The following PLEKHG4B variants were observed in gnomAD, a reference collection of about 807,000 sequenced individuals.
PLEKHG4B encodes pleckstrin homology and RhoGEF domain containing G4B.
In PLEKHG4B, 111 loss-of-function variants were observed where a neutral mutation model predicts 121.3. The ratio of observed to expected loss-of-function variants is 0.92; its 90% CI spans 0.78 to 1.07. PLEKHG4B has a LOEUF of 1.07. Ranked by LOEUF, PLEKHG4B falls within the 50% of genes least tolerant of loss-of-function variation. The pLI, the probability that PLEKHG4B is intolerant of heterozygous loss-of-function variation, is 0.00. For missense variants in PLEKHG4B, 1,831 were observed against 1,757.8 expected (o/e 1.04, Z -0.74); for synonymous variants, 738 against 725.0 (o/e 1.02, Z -0.29).
intron 1 of PLEKHG4B, among the ~76,000 whole-genome samples, chr5:99,665 A>G (rs780288005): frequency 1.3e-5 from 2 of 152,130 alleles, no homozygotes; most frequent in Non-Finnish European, 2.9e-5. Flanking sequence ...GGATTGTGTC[A>G]TCTGAACACA....
intron 2 of PLEKHG4B, among the ~76,000 whole-genome samples, chr5:138,136 C>T (rs1361869661): frequency 6.6e-6 from 1 of 152,188 alleles, no homozygotes; most frequent in Non-Finnish European, 1.5e-5. Flanking sequence ...CCACAGAAGA[C>T]CCTGGGACCC....
intron 1 of PLEKHG4B, among the ~76,000 whole-genome samples, chr5:100,793 G>C (rs1579231840): frequency 8.6e-6 from 1 of 116,358 alleles, no homozygotes; most frequent in Non-Finnish European, 1.7e-5. Flanking sequence ...ACTGTTGTGA[G>C]GTTAATCCAT....
intron 18 of PLEKHG4B, among the ~76,000 whole-genome samples, chr5:178,537 A>AT (rs1420329856): frequency 1.3e-5 from 2 of 152,106 alleles, no homozygotes; most frequent in Non-Finnish European, 2.9e-5. Context: ...GCTGCTTATC[A>AT]CTTACTAGGA....
At chr5:168,581 G>A (rs1053141302) in intron 13 of PLEKHG4B, among the ~76,000 whole-genome samples, 5 of 152,274 alleles carry the variant, frequency 3.3e-5, no homozygotes, top group South Asian at 2.1e-4. Flanking sequence ...TCATCTCACC[G>A]CTAGAATGAA....
At chr5:135,673 AAAAAAAAAAATAT>A (rs1734940948) in intron 2 of PLEKHG4B, among the ~76,000 whole-genome samples, 2 of 64,208 alleles carry the variant, frequency 3.1e-5, no homozygotes, top group African/African-American at 7.1e-5. Flanking sequence ...CTCAAAAAAA[AAAAAAAAAAATAT>A]ATATATATAT....
At position 174,063 on chromosome 5, in the gene PLEKHG4B, G is replaced by A. The variant is rs1375368278; in HGVS notation, c.4367G>A (p.Gly1456Glu). 26 of 1,595,230 alleles carry A rather than the reference G, an allele frequency of 1.6e-5. No homozygotes were observed. Among genetic ancestry groups the A allele is most frequent in the Non-Finnish European group, 2.2e-5 (26 of 1,171,828 alleles). Residue 1456 changes from glycine to glutamate, a missense_variant, in exon 18 of 20, where the codon GGG (glycine) becomes GAG (glutamate). By Grantham distance (98) the Gly-to-Glu change is moderately conservative. Transcript: ENST00000637938. Reference sequence around the variant, plus strand: ...AAGAGTGCATGGACCGATGTCATAGGGAGGATCCTGTGGCGGCAGGCACTA... The same window carrying A: ...AAGAGTGCATGGACCGATGTCATAGAGAGGATCCTGTGGCGGCAGGCACTA... ...EVKSAWTDVI[G>E]RILWRQALKS...
At chr5:120,968 C>T (rs1427998826) in intron 2 of PLEKHG4B, among the ~76,000 whole-genome samples, 1 of 152,046 alleles carries the variant, frequency 6.6e-6, no homozygotes, top group Non-Finnish European at 1.5e-5. Flanking sequence ...GAAAATGGGC[C>T]AGGTGTGGTG....
intron 2 of PLEKHG4B, among the ~76,000 whole-genome samples, chr5:132,198 A>C (rs1440374745): frequency 6.6e-6 from 1 of 152,180 alleles, no homozygotes; most frequent in Non-Finnish European, 1.5e-5. Flanking sequence ...AGTGAAAGGC[A>C]TCCAAACTGG....
intron 2 of PLEKHG4B, among the ~76,000 whole-genome samples, chr5:120,377 G>C (rs942293077): frequency 6.6e-6 from 1 of 152,168 alleles, no homozygotes; most frequent in Non-Finnish European, 1.5e-5. Context: ...ACATCTCTCA[G>C]TTCTTATTCC....
At chr5:168,865 CTTTTT>C (rs140551039) in intron 13 of PLEKHG4B, among the ~76,000 whole-genome samples, 3 of 100,454 alleles carry the variant, frequency 3.0e-5, no homozygotes. Flanking sequence ...GAAGATTATT[CTTTTT>C]TTTTTTTTTT....
chr5:113,537 G>A lies in PLEKHG4B; in HGVS notation c.243+89G>A, dbSNP rs1237160704. The A allele has an allele frequency of 1.3e-5, 5 of 398,422 alleles. No homozygotes were observed. The highest frequency in any genetic ancestry group is 1.2e-3 in the Middle Eastern group (2 of 1,610). The allele number at this position is 398,422 out of a possible 1,614,324, so 24.7% of individuals were successfully genotyped here. A position where few individuals can be genotyped will look rare whatever the true frequency, so the allele number is the denominator to read the frequency against. ...GCAGGGCAGGAATTGGGCCCATCAG[G>A]GCACTGGCTCAGTTCTTTCCTCTGG... On this transcript the variant is annotated intron_variant, in intron 2 of 19. Coordinates refer to ENST00000637938, the MANE Select transcript of PLEKHG4B (RefSeq NM_052909.5). This position sits in a 1 kb window ranked among gnomAD's most constrained non-coding sequence, Gnocchi z 5.2.
chr5:143,267 A>G lies in PLEKHG4B; in HGVS notation c.1687+11A>G, dbSNP rs772578022. ...TCGTCACCCTCCCAGGTGAGAGCACATGCCAGGCTCTCCTGTCAGGGCGGA... is the reference window on the plus strand; with the variant it reads ...TCGTCACCCTCCCAGGTGAGAGCACGTGCCAGGCTCTCCTGTCAGGGCGGA... On this transcript the variant is annotated intron_variant, in intron 4 of 19. Coordinates refer to ENST00000637938, the MANE Select transcript of PLEKHG4B (RefSeq NM_052909.5). The G allele has an allele frequency of 5.2e-5, 84 of 1,609,584 alleles. No homozygotes were observed. The Admixed American group carries it at 1.3e-3, about 25-fold the overall frequency.
intron 13 of PLEKHG4B, among the ~76,000 whole-genome samples, chr5:164,720 T>TTA (rs1194881295): frequency 1.0e-4 from 11 of 110,410 alleles, no homozygotes; most frequent in Non-Finnish European, 1.7e-4. Context: ...GGGGCGGAGC[T>TTA]CACACTAATA....
intron 1 of PLEKHG4B, among the ~76,000 whole-genome samples, chr5:102,509 G>A (rs906375340): frequency 1.3e-5 from 2 of 152,038 alleles, no homozygotes; most frequent in Non-Finnish European, 2.9e-5. Context: ...AGTGCTGTGG[G>A]TGAGTATTCT....
rs1328602761 is a variant in PLEKHG4B at position 143,174 on chromosome 5, A to G, written c.1605A>G (p.Thr535=). ...HPEQEGWPPG[T]GDFPSQVPKQ... is the part of the protein sequence containing the mutation. ...AGCAAGAAGGGTGGCCACCCGGCAC[A>G]GGAGACTTCCCCAGCCAGGTGCCCA... is the stretch of plus-strand genomic sequence containing the variant. The change falls in exon 4 of 20, where the codon ACA becomes ACG. Residue 535 remains threonine, a synonymous_variant. Coordinates refer to ENST00000637938, the MANE Select transcript of PLEKHG4B (RefSeq NM_052909.5). 10 of 1,612,102 alleles carry G rather than the reference A, an allele frequency of 6.2e-6. No individual in the cohort carries two copies. The South Asian group carries it at 7.7e-5, about 12-fold the overall frequency.
intron 18 of PLEKHG4B, among the ~76,000 whole-genome samples, chr5:180,743 A>G (rs1343740664): frequency 5.3e-5 from 8 of 152,210 alleles, no homozygotes; most frequent in Non-Finnish European, 5.9e-5. Context: ...AGTTAGGGGA[A>G]GAGCAATGTC....
intron 2 of PLEKHG4B, among the ~76,000 whole-genome samples, chr5:125,841 C>G (rs2126374542): frequency 6.6e-6 from 1 of 152,308 alleles, no homozygotes; most frequent in East Asian, 1.9e-4. Context: ...CTTAATTTCA[C>G]TCTCACTTTT....
intron 6 of PLEKHG4B, among the ~76,000 whole-genome samples, chr5:148,304 G>C (rs1735492509): frequency 6.9e-6 from 1 of 144,212 alleles, no homozygotes. Flanking sequence ...TCTATTCCCA[G>C]ATGATGTGAT....
At position 163,153 on chromosome 5, in the gene PLEKHG4B, C is replaced by T. The variant is rs370856206; in HGVS notation, c.3081C>T (p.Arg1027=). Residue 1027 remains arginine, a synonymous_variant, in exon 13 of 20, where the codon CGC becomes CGT. Coordinates refer to ENST00000637938, the MANE Select transcript of PLEKHG4B (RefSeq NM_052909.5). The part of the protein sequence containing the change: ...LLCGQDGETL[R]PGLCALWDPL... ...GTGGACAGGACGGGGAGACCCTGCGCCCAGGGCTGTGTGCTCTGTGGGACC... is the reference window on the plus strand; with the variant it reads ...GTGGACAGGACGGGGAGACCCTGCGTCCAGGGCTGTGTGCTCTGTGGGACC... 17 of 1,559,612 alleles carry T rather than the reference C, an allele frequency of 1.1e-5. No individual in the cohort carries two copies. The African/African-American group carries it at 1.5e-4, about 14-fold the overall frequency.
Sources: gnomAD v4.1 joint callset for allele counts (sites outside exome capture counted in the v4.1 genomes callset) on GRCh38, gnomAD v4.1.1 for gene constraint, Gnocchi (gnomAD v3.1) non-coding constraint, MANE v1.5 for transcripts, NCBI Gene and HGNC (gene_info 2026-07-23, HGNC 2026-07-21) for gene names.